The following DNAH8 variants were observed in gnomAD, a reference collection of about 807,000 sequenced individuals.
DNAH8 encodes the protein dynein axonemal heavy chain 8, also known as axonemal beta dynein heavy chain 8.
DNAH8 carries 382 observed loss-of-function variants against 562.1 expected under a neutral mutation model. The ratio of observed to expected loss-of-function variants is 0.68; its 90% CI spans 0.63 to 0.74. DNAH8 has a LOEUF of 0.74. DNAH8 is among the 30% of genes least tolerant of loss of function. DNAH8 has a pLI of 0.00. For missense variants in DNAH8, 5,203 were observed against 5,620.4 expected (o/e 0.93, Z 2.37); for synonymous variants, 1,881 against 1,919.4 (o/e 0.98, Z 0.52).
At chr6:38,834,125 A>G (rs1287619102) in intron 31 of DNAH8, among the ~76,000 whole-genome samples, 1 of 152,176 alleles carries the variant, frequency 6.6e-6, no homozygotes, top group Non-Finnish European at 1.5e-5. Context: ...TAAAAAGAGG[A>G]TGTTCTCAGA....
intron 30 of DNAH8, 41 bp downstream of exon 30, chr6:38,828,329 T>A: frequency 8.1e-7 from 1 of 1,227,648 alleles, no homozygotes; most frequent in Non-Finnish European, 1.2e-6. Flanking sequence ...CTTAAGTCAC[T>A]ATCTCCAGAA....
chr6:38,859,643 G>A (rs1471274100), intron 42 of DNAH8, among the ~76,000 whole-genome samples: 2 of 152,192 alleles, frequency 1.3e-5, no homozygotes, highest in Admixed American at 6.5e-5. Flanking sequence ...TCAGAATGTG[G>A]TTATGATGGA....
intron 89 of DNAH8, 61 bp from the exon 90 acceptor site, chr6:39,012,154 T>C: frequency 8.2e-7 from 1 of 1,216,166 alleles, no homozygotes; most frequent in Non-Finnish European, 1.2e-6. Context: ...AAGAAGAGGT[T>C]ATTGGAAGAG....
chr6:38,887,632 A>G (rs561360468), intron 57 of DNAH8, among the ~76,000 whole-genome samples: 18 of 152,140 alleles, frequency 1.2e-4, no homozygotes, highest in Admixed American at 3.3e-4. Context: ...GCTTGAGCCT[A>G]GGAGGTCAAG....
chr6:38,738,083 C>T, intron 7 of DNAH8, 111 bp downstream of exon 7: 2 of 1,167,514 alleles, frequency 1.7e-6, no homozygotes, highest in East Asian at 2.7e-5. Flanking sequence ...GACTTTCTTC[C>T]AGAATCTAGT....
intron 77 of DNAH8, among the ~76,000 whole-genome samples, chr6:38,936,119 C>T (rs1003868700): frequency 6.6e-6 from 1 of 151,336 alleles, no homozygotes; most frequent in Non-Finnish European, 1.5e-5. Flanking sequence ...GAGACCAAGG[C>T]GGGTGGATCA....
chr6:38,862,069 G>A (rs1776676251), intron 43 of DNAH8, among the ~76,000 whole-genome samples: 1 of 151,528 alleles, frequency 6.6e-6, no homozygotes, highest in Non-Finnish European at 1.5e-5. Context: ...GGGTTGAGGA[G>A]TTTTGAAATT....
chr6:38,858,697 C>T (rs1776384066), intron 42 of DNAH8, among the ~76,000 whole-genome samples: 1 of 152,198 alleles, frequency 6.6e-6, no homozygotes, highest in Non-Finnish European at 1.5e-5. Flanking sequence ...AAAAACTGCT[C>T]TAGGATTTAT....
chr6:38,799,420 T>C (rs964033276), intron 21 of DNAH8, among the ~76,000 whole-genome samples: 5 of 152,152 alleles, frequency 3.3e-5, no homozygotes, highest in African/African-American at 9.7e-5. Context: ...CAGTATCATA[T>C]GCTCTCATGC....
intron 85 of DNAH8, among the ~76,000 whole-genome samples, chr6:38,976,787 T>G (rs1763708765): frequency 1.3e-5 from 2 of 152,216 alleles, no homozygotes; most frequent in Admixed American, 1.3e-4. Flanking sequence ...ATTGATTAAT[T>G]GAGTCCTCCA....
chr6:38,896,173 C>G lies in DNAH8; in HGVS notation c.8888C>G (p.Thr2963Ser), dbSNP rs1410243772. Residue 2963 changes from threonine (T) to serine (S), a missense_variant, in exon 60 of 93, where the codon ACT becomes AGT. Physicochemically the swap from Thr to Ser is moderately conservative, Grantham distance 58. Coordinates refer to ENST00000327475, the MANE Select transcript of DNAH8 (RefSeq NM_001206927.2). ...VDFLREMPEP[T>S]GDEPEDSVFE... Reference sequence around the variant, plus strand: ...TTTCTTCGTGAGATGCCAGAACCAACTGGTGATGAACCTGAAGACTCTGTG... The same window carrying G: ...TTTCTTCGTGAGATGCCAGAACCAAGTGGTGATGAACCTGAAGACTCTGTG... 3 of 1,613,748 alleles carry G rather than the reference C, an allele frequency of 1.9e-6. No homozygotes were observed. Among genetic ancestry groups the G allele is most frequent in the South Asian group, 1.1e-5 (1 of 91,058 alleles).
Position 38,990,186 on chromosome 6 carries a change from A to G in DNAH8, c.13214+14A>G, listed in dbSNP as rs776522180. On this transcript the variant is annotated intron_variant, in intron 88 of 92. Coordinates refer to ENST00000327475, the MANE Select transcript of DNAH8 (RefSeq NM_001206927.2). Reference sequence around the variant, plus strand: ...TGCTGATATCACGTAAGTCCCTGGCATTTTTTAATTTGAAGGGGTCATTTG... The same window carrying G: ...TGCTGATATCACGTAAGTCCCTGGCGTTTTTTAATTTGAAGGGGTCATTTG... 5.1e-6 allele frequency: 8 copies of G among 1,573,760 alleles called. No homozygotes were observed. The South Asian group carries it at 7.0e-5, about 14-fold the overall frequency.
At chr6:38,746,394 G>T (rs1255056085) in intron 8 of DNAH8, among the ~76,000 whole-genome samples, 1 of 152,004 alleles carries the variant, frequency 6.6e-6, no homozygotes, top group Non-Finnish European at 1.5e-5. Context: ...GGCTCATTTT[G>T]TATTTGTTCT....
intron 66 of DNAH8, 95 bp from the exon 67 acceptor site, chr6:38,913,754 T>C: frequency 3.8e-6 from 3 of 779,602 alleles, no homozygotes; most frequent in African/African-American, 1.7e-5. Flanking sequence ...TTATATTACA[T>C]GTACAGTGCC....
intron 28 of DNAH8, among the ~76,000 whole-genome samples, chr6:38,824,529 G>C (rs1773145716): frequency 6.6e-6 from 1 of 152,298 alleles, no homozygotes; most frequent in Non-Finnish European, 1.5e-5. Context: ...ATAACAATCA[G>C]TCTTATCCTA....
chr6:38,961,937 G>A (rs989505154), intron 82 of DNAH8, among the ~76,000 whole-genome samples: 3 of 151,798 alleles, frequency 2.0e-5, no homozygotes, highest in African/African-American at 7.3e-5. Context: ...AAATACAAAT[G>A]AATCAACGGA....
intron 32 of DNAH8, 48 bp downstream of exon 32, chr6:38,834,689 A>G (rs1774133788): frequency 2.8e-6 from 4 of 1,433,146 alleles, no homozygotes; most frequent in Non-Finnish European, 3.9e-6. Flanking sequence ...AATTTAAAAA[A>G]TTATTTTGGG....
chr6:38,855,793 C>T (rs1205267812), intron 41 of DNAH8, among the ~76,000 whole-genome samples: 2 of 152,128 alleles, frequency 1.3e-5, no homozygotes, highest in African/African-American at 2.4e-5. Context: ...GAAACTGGGT[C>T]GCACAGCAGG....
intron 5 of DNAH8, among the ~76,000 whole-genome samples, chr6:38,736,789 C>T (rs1305181072): frequency 2.0e-5 from 3 of 152,012 alleles, no homozygotes; most frequent in African/African-American, 7.2e-5. Context: ...ACGTCCCTCA[C>T]CTTGAATAGG....
Sources: allele counts gnomAD v4.1 joint callset (sites outside exome capture counted in the v4.1 genomes callset), GRCh38; gene constraint gnomAD v4.1.1; transcripts MANE v1.5; gene names NCBI Gene and HGNC (gene_info 2026-07-23, HGNC 2026-07-21).